Variants in PPP1R12B observed in about 807,000 individuals in gnomAD.
The protein encoded by PPP1R12B is protein phosphatase 1 regulatory subunit 12B, also known as myosin phosphatase target subunit 2.
Under a neutral mutation model 126.1 loss-of-function variants are expected in PPP1R12B, and 76 were observed. The ratio of observed to expected loss-of-function variants is 0.60; its 90% CI spans 0.50 to 0.73. The LOEUF is 0.73. Among genes scored for constraint, PPP1R12B ranks in the 30% least tolerant of loss-of-function variants. The pLI is 0.00. For synonymous variants in PPP1R12B, 356 were observed against 434.7 expected, an observed-to-expected ratio of 0.82 and a Z score of 2.25; for missense variants, 1,052 against 1,205.1, an observed-to-expected ratio of 0.87 and a Z score of 1.88.
At chr1:202,568,709 C>T (rs974290163) in intron 22 of PPP1R12B, among the ~76,000 whole-genome samples, 2 of 152,046 alleles carry the variant, frequency 1.3e-5, no homozygotes, top group Non-Finnish European at 2.9e-5. Flanking sequence ...GTCTACTTCC[C>T]GGCTCACCAT....
rs2362288 is a variant in PPP1R12B, at chr1:202,559,065, A to G, written c.2507+172A>G. 8.5e-5 allele frequency among the ~76,000 whole-genome samples: 13 copies of G among 152,342 alleles called. No homozygotes were observed. The South Asian group carries it at 2.5e-3, about 29-fold the overall frequency. The stretch of plus-strand genomic sequence containing the variant: ...CTTTTATTACCTCCTGCCCAAAGCA[A>G]TGGAACAAGCTTTTCAATTTACCTT... On this transcript the variant is annotated intron_variant, in intron 19 of 23. Coordinates refer to ENST00000608999, the MANE Select transcript of PPP1R12B (RefSeq NM_002481.4).
chr1:202,461,598 T>A (rs1674318104), intron 13 of PPP1R12B, among the ~76,000 whole-genome samples: 1 of 152,228 alleles, frequency 6.6e-6, no homozygotes, highest in Admixed American at 6.5e-5. Context: ...ATTTTAGGGA[T>A]GTTTAATTTT....
intron 1 of PPP1R12B, chr1:202,369,428 C>G (rs573451274): frequency 1.3e-5 from 2 of 152,434 alleles, no homozygotes; most frequent in East Asian, 1.9e-4. Flanking sequence ...CAGGACTGCT[C>G]AACAAAAATA....
intron 18 of PPP1R12B, among the ~76,000 whole-genome samples, chr1:202,527,133 A>G (rs1156268544): frequency 1.3e-5 from 2 of 152,182 alleles, no homozygotes; most frequent in African/African-American, 4.8e-5. Context: ...TAGTGTTAAT[A>G]CCAGAAGCTG....
At chr1:202,373,053 G>T (rs1465878921) in intron 1 of PPP1R12B, among the ~76,000 whole-genome samples, 1 of 151,886 alleles carries the variant, frequency 6.6e-6, no homozygotes, top group African/African-American at 2.4e-5. Flanking sequence ...TCATGCCTCA[G>T]CCTCCTGAGT....
At chr1:202,449,371 G>A (rs1425478809) in intron 13 of PPP1R12B, among the ~76,000 whole-genome samples, 200 bp downstream of exon 13, 5 of 151,774 alleles carry the variant, frequency 3.3e-5, no homozygotes, top group African/African-American at 9.7e-5. Context: ...CTCCTCCCGG[G>A]TTCAAACGAT....
intron 15 of PPP1R12B, among the ~76,000 whole-genome samples, chr1:202,494,128 G>A (rs1679228439): frequency 6.6e-6 from 1 of 152,194 alleles, no homozygotes; most frequent in Admixed American, 6.5e-5. Flanking sequence ...TGTGGTTATA[G>A]AAGAAAGGTA....
intron 13 of PPP1R12B, among the ~76,000 whole-genome samples, chr1:202,452,774 A>G (rs1673168977): frequency 6.6e-6 from 1 of 150,578 alleles, no homozygotes; most frequent in Non-Finnish European, 1.5e-5. Context: ...AAGATTATCT[A>G]TCTGCAAACT....
At chr1:202,359,178 C>G (rs1465970814) in intron 1 of PPP1R12B, among the ~76,000 whole-genome samples, 5 of 151,558 alleles carry the variant, frequency 3.3e-5, no homozygotes, top group African/African-American at 1.2e-4. Flanking sequence ...GAATTTCACT[C>G]TTGTTGCCCA....
chr1:202,406,735 T>C (rs573674396), intron 1 of PPP1R12B, among the ~76,000 whole-genome samples: 8 of 152,328 alleles, frequency 5.3e-5, no homozygotes, highest in African/African-American at 1.9e-4. Flanking sequence ...ATAGACTTTT[T>C]CTAAGGAATG....
chr1:202,465,618 A>G (rs1234519313), intron 13 of PPP1R12B, among the ~76,000 whole-genome samples: 6 of 152,192 alleles, frequency 3.9e-5, no homozygotes, highest in Non-Finnish European at 7.3e-5. Context: ...GGGCAGGCAT[A>G]TTTCTATTTT....
At chr1:202,495,225 T>A in intron 15 of PPP1R12B, 68 bp from the exon 16 acceptor site, 1 of 1,411,744 alleles carries the variant, frequency 7.1e-7, no homozygotes, top group Non-Finnish European at 9.5e-7. Context: ...ACATTTTGTA[T>A]AAACCTGCTG....
At chr1:202,497,730 G>A (rs770053913) in intron 18 of PPP1R12B, among the ~76,000 whole-genome samples, 10 of 152,134 alleles carry the variant, frequency 6.6e-5, no homozygotes, top group African/African-American at 1.9e-4. Context: ...GGTTGAAGCT[G>A]GGGCTACTTC....
intron 1 of PPP1R12B, among the ~76,000 whole-genome samples, chr1:202,353,881 C>T (rs1558118489): frequency 1.3e-5 from 2 of 151,978 alleles, no homozygotes; most frequent in African/African-American, 4.8e-5. Context: ...CCAAAGTGCT[C>T]GGATTACAAG....
At position 202,562,939 on chromosome 1, in the gene PPP1R12B, A is replaced by G. The variant is rs1476810088; in HGVS notation, c.2652+17A>G. On this transcript the variant is annotated intron_variant, in intron 20 of 23. Transcript: ENST00000608999. ...TATAAAAAAGTAGGGTCTTTATTCA[A>G]TTTTCCGGTTCTTTGGTGACATGTA... The G allele has an allele frequency of 6.5e-7, 1 of 1,540,326 alleles. No homozygotes were observed. Among genetic ancestry groups the G allele is most frequent in the Non-Finnish European group, 8.7e-7 (1 of 1,146,904 alleles).
chr1:202,527,053 G>A (rs1178588332), intron 18 of PPP1R12B, among the ~76,000 whole-genome samples: 1 of 151,446 alleles, frequency 6.6e-6, no homozygotes, highest in Non-Finnish European at 1.5e-5. Flanking sequence ...CCCAAAGTAA[G>A]TAGAAGGAAT....
intron 1 of PPP1R12B, among the ~76,000 whole-genome samples, chr1:202,353,019 G>A (rs1656319603): frequency 6.6e-6 from 1 of 152,214 alleles, no homozygotes; most frequent in African/African-American, 2.4e-5. Flanking sequence ...AGTTGCCTCA[G>A]TCTGACGCTG....
chr1:202,488,259 T>C (rs1378385680), intron 13 of PPP1R12B, among the ~76,000 whole-genome samples: 4 of 152,244 alleles, frequency 2.6e-5, no homozygotes, highest in Non-Finnish European at 5.9e-5. Flanking sequence ...GTATGAATTG[T>C]TTATTGATGG....
chr1:202,478,744 G>A (rs771865429), intron 13 of PPP1R12B, among the ~76,000 whole-genome samples: 2 of 152,002 alleles, frequency 1.3e-5, no homozygotes, highest in Non-Finnish European at 2.9e-5. Flanking sequence ...ATTTTTGTCT[G>A]TTTTTTCCCC....
Sources: gnomAD v4.1 joint callset for allele counts (sites outside exome capture counted in the v4.1 genomes callset) on GRCh38, gnomAD v4.1.1 for gene constraint, MANE v1.5 for transcripts, NCBI Gene and HGNC (gene_info 2026-07-23, HGNC 2026-07-21) for gene names.